RSPO2: variants seen among roughly 807,000 people sequenced by gnomAD.
The protein encoded by RSPO2 is R-spondin 2, also known as R-spondin-2.
A neutral mutation model predicts 30.9 loss-of-function variants in RSPO2; 14 were observed. The ratio of observed to expected loss-of-function variants is 0.45; its 90% confidence interval spans 0.30 to 0.71. The LOEUF (loss-of-function observed/expected upper bound fraction) is 0.71. RSPO2 is among the 30% of genes least tolerant of loss of function. RSPO2 has a pLI of 0.08. For missense variants in RSPO2, 264 were observed against 301.9 expected, an observed-to-expected ratio of 0.87 and a Z score of 0.93; for synonymous variants, 107 against 96.4, an observed-to-expected ratio of 1.11 and a Z score of -0.64.
At chr8:107,907,827 AT>A (rs907514289) in intron 5 of RSPO2, among the ~76,000 whole-genome samples, 14 of 152,016 alleles carry the variant, frequency 9.2e-5, no homozygotes, top group African/African-American at 2.4e-4. Context: ...AAGTTACCAT[AT>A]TTTTTTATCT....
chr8:107,921,923 A>ATCT (rs1212662336), intron 5 of RSPO2, among the ~76,000 whole-genome samples: 1 of 152,158 alleles, frequency 6.6e-6, no homozygotes, highest in African/African-American at 2.4e-5. Flanking sequence ...TAAAAACTCA[A>ATCT]TAAAGTAGGC....
chr8:107,959,336 T>C (rs142074948), intron 4 of RSPO2, among the ~76,000 whole-genome samples: 105 of 152,264 alleles, frequency 6.9e-4, no homozygotes, highest in African/African-American at 2.1e-3. Context: ...AACTTTAGCA[T>C]CTCCTATGTT....
intron 3 of RSPO2, among the ~76,000 whole-genome samples, chr8:107,976,820 C>T (rs1038745873): frequency 6.6e-6 from 1 of 152,134 alleles, no homozygotes; most frequent in Non-Finnish European, 1.5e-5. Context: ...TAAACTATTG[C>T]ACAAAATAAA....
At chr8:108,019,843 C>G (rs550510797) in intron 2 of RSPO2, among the ~76,000 whole-genome samples, 3 of 152,238 alleles carry the variant, frequency 2.0e-5, no homozygotes, top group African/African-American at 7.2e-5. Flanking sequence ...AAAGGGTAGA[C>G]TTTGTGCTCT....
At chr8:107,940,459 A>C (rs1812862688) in intron 5 of RSPO2, among the ~76,000 whole-genome samples, 1 of 152,116 alleles carries the variant, frequency 6.6e-6, no homozygotes, top group Admixed American at 6.6e-5. Context: ...AAAAAGAAAA[A>C]CACTAGTAAA....
rs778172689 is a variant in RSPO2, at chr8:107,989,140, C to T, written c.199G>A (p.Gly67Arg). Reference sequence around the variant, plus strand: ...AGGCACTCTCCATACTGGCGCATCCCTTCTCTTCGAAGGAAGAAGAACAAC... The same window carrying T: ...AGGCACTCTCCATACTGGCGCATCCTTTCTCTTCGAAGGAAGAAGAACAAC... Reference protein sequence around the residue: ...QKLFFFLRREGMRQYGECLHS... With the variant: ...QKLFFFLRRERMRQYGECLHS... The change falls in exon 3 of 6, where the codon GGG becomes AGG. Residue 67 changes from glycine to arginine, a missense_variant. By Grantham distance (125) the Gly-to-Arg change is moderately radical. Transcript: ENST00000276659. 9 of 1,612,516 alleles carry T rather than the reference C, an allele frequency of 5.6e-6. No individual in the cohort carries two copies. The highest frequency in any genetic ancestry group is 7.6e-6 in the Non-Finnish European group (9 of 1,179,626).
intron 4 of RSPO2, 128 bp from the exon 5 acceptor site, chr8:107,958,396 A>C: frequency 1.5e-6 from 1 of 686,916 alleles, no homozygotes; most frequent in Non-Finnish European, 2.5e-6. Context: ...CCAAAAATTA[A>C]GTGGTACAGC....
At chr8:107,971,141 C>T (rs1242036011) in intron 3 of RSPO2, among the ~76,000 whole-genome samples, 3 of 152,150 alleles carry the variant, frequency 2.0e-5, no homozygotes, top group African/African-American at 7.2e-5. Context: ...GTGGCTTCTG[C>T]CCTGGAAATA....
chr8:108,053,696 T>A (rs1812145881), intron 2 of RSPO2, among the ~76,000 whole-genome samples: 1 of 152,232 alleles, frequency 6.6e-6, no homozygotes, highest in Admixed American at 6.5e-5. Context: ...TGACTTAATA[T>A]GTGATTAAAA....
chr8:108,041,203 CAAAAA>C (rs55937336), intron 2 of RSPO2, among the ~76,000 whole-genome samples: 15 of 100,350 alleles, frequency 1.5e-4, no homozygotes, highest in Non-Finnish European at 1.2e-4. Flanking sequence ...CAAAAAGTGG[CAAAAA>C]AAAAAAAAAA....
At chr8:107,924,844 AC>A (rs1812304783) in intron 5 of RSPO2, among the ~76,000 whole-genome samples, 8 of 151,874 alleles carry the variant, frequency 5.3e-5, no homozygotes, top group Non-Finnish European at 1.0e-4. Context: ...ACACACACAC[AC>A]ACACAAAATA....
intron 2 of RSPO2, among the ~76,000 whole-genome samples, chr8:108,068,275 G>A (rs1006203520): frequency 1.3e-5 from 2 of 152,138 alleles, no homozygotes; most frequent in Admixed American, 6.5e-5. Flanking sequence ...TCCAAACACC[G>A]TACACTTATA....
intron 5 of RSPO2, among the ~76,000 whole-genome samples, chr8:107,918,324 T>C (rs1586540891): frequency 1.3e-5 from 2 of 152,146 alleles, no homozygotes; most frequent in South Asian, 4.1e-4. Flanking sequence ...TATGGCGGTG[T>C]AGTTGTTTGC....
intron 2 of RSPO2, among the ~76,000 whole-genome samples, chr8:108,036,804 T>C (rs1358756860): frequency 6.6e-6 from 1 of 152,222 alleles, no homozygotes; most frequent in Non-Finnish European, 1.5e-5. Context: ...ATTTTGGTAA[T>C]GCTTGCAATA....
intron 2 of RSPO2, among the ~76,000 whole-genome samples, chr8:108,042,899 A>AG (rs56874725): frequency 0.021 from 3,131 of 152,218 alleles, 116 homozygotes; most frequent in African/African-American, 0.07. Flanking sequence ...CTCACCTCAC[A>AG]TCTTTGCTCC....
intron 5 of RSPO2, among the ~76,000 whole-genome samples, chr8:107,953,361 A>T (rs569034286): frequency 6.6e-6 from 1 of 152,240 alleles, no homozygotes; most frequent in Admixed American, 6.5e-5. Flanking sequence ...AGGACCAATG[A>T]CTCTAAAGGA....
At chr8:107,924,027 AAAC>A (rs1426855525) in intron 5 of RSPO2, among the ~76,000 whole-genome samples, 2 of 151,986 alleles carry the variant, frequency 1.3e-5, no homozygotes, top group Non-Finnish European at 2.9e-5. Flanking sequence ...TAATCTGTAC[AAAC>A]AACCCCCTTG....
chr8:107,984,083 T>C, intron 3 of RSPO2: 1 of 505,444 alleles, frequency 2.0e-6, no homozygotes, highest in South Asian at 3.3e-5. Flanking sequence ...CTTCATCTGG[T>C]GGACTGTGGG....
intron 5 of RSPO2, among the ~76,000 whole-genome samples, chr8:107,902,939 G>T (rs577017986): frequency 6.6e-6 from 1 of 152,154 alleles, no homozygotes; most frequent in South Asian, 2.1e-4. Flanking sequence ...ATCTTGAAAC[G>T]TAGTTAATCC....
Sources: allele counts gnomAD v4.1 joint callset (sites outside exome capture counted in the v4.1 genomes callset), GRCh38; gene constraint gnomAD v4.1.1; transcripts MANE v1.5; gene names NCBI Gene and HGNC (gene_info 2026-07-23, HGNC 2026-07-21).